Variants in ANK3 observed in about 807,000 individuals in gnomAD.
The protein encoded by ANK3 is ankyrin 3.
In ANK3, 57 loss-of-function variants were observed where a neutral mutation model predicts 370.9. The observed-to-expected ratio is 0.15, with a 90% CI of 0.12 to 0.19. ANK3 has a LOEUF of 0.19. Ranked by LOEUF, ANK3 falls within the 10% of genes least tolerant of loss-of-function variation. The pLI, the probability that ANK3 is intolerant of heterozygous loss-of-function variation, is 1.00. For synonymous variants in ANK3, 1,929 were observed against 1,946.3 expected, an observed-to-expected ratio of 0.99 and a Z score of 0.23; for missense variants, 4,439 against 5,302.1, an observed-to-expected ratio of 0.84 and a Z score of 5.06.
intron 2 of ANK3, among the ~76,000 whole-genome samples, chr10:60,433,724 A>G (rs1460478953): frequency 6.6e-6 from 1 of 152,176 alleles, no homozygotes; most frequent in Non-Finnish European, 1.5e-5. Context: ...AAATAATCGA[A>G]TTTTGCTTTT....
intron 4 of ANK3, among the ~76,000 whole-genome samples, chr10:60,277,898 T>C (rs1019567766): frequency 3.3e-5 from 5 of 152,278 alleles, no homozygotes; most frequent in Admixed American, 3.3e-4. Context: ...GTTTTAAATG[T>C]GGTCATGTCC....
chr10:60,679,072 T>A (rs1303436025), intron 1 of ANK3, among the ~76,000 whole-genome samples: 2 of 152,100 alleles, frequency 1.3e-5, no homozygotes, highest in Non-Finnish European at 2.9e-5. Context: ...TGGTGAATAG[T>A]TAAAACATGG....
At chr10:60,715,260 G>C (rs2132018858) in intron 1 of ANK3, among the ~76,000 whole-genome samples, 1 of 140,030 alleles carries the variant, frequency 7.1e-6, no homozygotes, top group African/African-American at 2.7e-5. Flanking sequence ...AAATTGCTTT[G>C]TAAAGTTCGT....
intron 1 of ANK3, among the ~76,000 whole-genome samples, chr10:60,698,032 T>C (rs2079487778): frequency 6.6e-6 from 1 of 152,020 alleles, no homozygotes; most frequent in African/African-American, 2.4e-5. Context: ...ATCCAGAATC[T>C]ACAATGAACT....
chr10:60,689,141 T>C (rs965220494), intron 1 of ANK3, among the ~76,000 whole-genome samples: 1 of 152,162 alleles, frequency 6.6e-6, no homozygotes, highest in Non-Finnish European at 1.5e-5. Context: ...GGGTCACACC[T>C]ATAATCTTAG....
chr10:60,569,059 T>C (rs1425209821), intron 2 of ANK3, among the ~76,000 whole-genome samples: 1 of 152,188 alleles, frequency 6.6e-6, no homozygotes, highest in Non-Finnish European at 1.5e-5. Flanking sequence ...TGTATTTTTT[T>C]AATGTCAGTC....
At chr10:60,309,582 G>T (rs1260727218) in intron 1 of ANK3, among the ~76,000 whole-genome samples, 1 of 152,108 alleles carries the variant, frequency 6.6e-6, no homozygotes, top group Non-Finnish European at 1.5e-5. Context: ...TTACTCCAGG[G>T]GGGTGTTCTG....
intron 21 of ANK3, among the ~76,000 whole-genome samples, chr10:60,167,667 G>T (rs542852218): frequency 3.0e-4 from 44 of 144,860 alleles, no homozygotes; most frequent in East Asian, 1.8e-3. Context: ...TTTTTTTTTT[G>T]TTTTGTTTTG....
At chr10:60,083,797 TG>T (rs2085916919) in intron 32 of ANK3, 180 bp from the exon 33 acceptor site, 2 of 531,906 alleles carry the variant, frequency 3.8e-6, no homozygotes, top group Non-Finnish European at 6.6e-6. Context: ...ACTCACCAAC[TG>T]TAATTGGAAT....
Position 60,059,416 on chromosome 10 carries a change from T to C in ANK3, c.12610A>G (p.Thr4204Ala). Residue 4204 changes from threonine to alanine, a missense_variant, in exon 41 of 44, where the codon ACA (threonine) becomes GCA (alanine). By Grantham distance (58) the Thr-to-Ala change is moderately conservative (BLOSUM62 0). This residue lies in a region of ANK3 where 242 missense variants were observed against 228.0 expected (regional missense o/e 1.06). Coordinates refer to ENST00000280772, the MANE Select transcript of ANK3 (RefSeq NM_020987.5). ...HDPVDGWQNE[T>A]SSGNLESCAQ... ...CAGGACTCTAGGTTTCCACTTGATGTCTCATTCTGCCAACCTGTAATTGAA... is the reference window on the plus strand; with the variant it reads ...CAGGACTCTAGGTTTCCACTTGATGCCTCATTCTGCCAACCTGTAATTGAA... 7 of 1,614,070 alleles carry C rather than the reference T, an allele frequency of 4.3e-6. No homozygotes were observed. The highest frequency in any genetic ancestry group is 5.9e-6 in the Non-Finnish European group (7 of 1,179,944).
chr10:60,487,376 C>A (rs2133112793), intron 2 of ANK3, among the ~76,000 whole-genome samples: 1 of 152,278 alleles, frequency 6.6e-6, no homozygotes, highest in African/African-American at 2.4e-5. Flanking sequence ...TGGCCCCAAT[C>A]TTCATTAAGC....
intron 25 of ANK3, among the ~76,000 whole-genome samples, chr10:60,119,942 C>A (rs1306928663): frequency 6.6e-6 from 1 of 151,888 alleles, no homozygotes; most frequent in Non-Finnish European, 1.5e-5. Context: ...TGATATTCTT[C>A]ACAGAAATTT....
rs2133305863 is a variant in ANK3 at position 60,601,433 on chromosome 10, A to T, written c.96+13753T>A. ...AGATAATCTTGTTATTAGTGATAAG[A>T]ATGGTACTTCAACTCTGTGGTCAAG... On this transcript the variant is annotated intron_variant, in intron 2 of 43. Coordinates refer to the ANK3 transcript ENST00000373827. Among the ~76,000 whole-genome samples, 2 of 152,266 alleles carry T rather than the reference A, an allele frequency of 1.3e-5. 1 individual carries two copies. Among genetic ancestry groups the T allele is most frequent in the South Asian group, 4.1e-4 (2 of 4,824 alleles).
intron 2 of ANK3, among the ~76,000 whole-genome samples, chr10:60,442,095 A>G (rs2064313812): frequency 7.9e-6 from 1 of 126,560 alleles, no homozygotes; most frequent in Non-Finnish European, 1.7e-5. Flanking sequence ...CCTCCCATAT[A>G]CTTTTTTTTT....
At chr10:60,725,537 C>CT (rs2079929328) in intron 1 of ANK3, among the ~76,000 whole-genome samples, 1 of 152,170 alleles carries the variant, frequency 6.6e-6, no homozygotes, top group South Asian at 2.1e-4. Context: ...TTATTCCCTC[C>CT]TTCCCTCATT....
At chr10:60,305,016 T>C (rs2044683214) in intron 1 of ANK3, among the ~76,000 whole-genome samples, 1 of 152,202 alleles carries the variant, frequency 6.6e-6, no homozygotes, top group Admixed American at 6.5e-5. Context: ...GATCTGCCTG[T>C]GGCAGGCACA....
At chr10:60,703,967 G>C (rs576790688) in intron 1 of ANK3, among the ~76,000 whole-genome samples, 1 of 152,284 alleles carries the variant, frequency 6.6e-6, no homozygotes, top group Admixed American at 6.5e-5. Context: ...AACTGATACT[G>C]TGTGACTTCT....
intron 2 of ANK3, among the ~76,000 whole-genome samples, chr10:60,515,577 C>T (rs775691446): frequency 6.6e-6 from 1 of 151,956 alleles, no homozygotes; most frequent in African/African-American, 2.4e-5. Context: ...ATATATGTGC[C>T]TGGGATTTAC....
At chr10:60,225,258 T>C (rs748318705) in intron 8 of ANK3, among the ~76,000 whole-genome samples, 1 of 152,128 alleles carries the variant, frequency 6.6e-6, no homozygotes, top group Non-Finnish European at 1.5e-5. Flanking sequence ...ATTTGGACTG[T>C]GTCCTCATTT....
Sources: allele counts gnomAD v4.1 joint callset (sites outside exome capture counted in the v4.1 genomes callset), GRCh38; gene constraint gnomAD v4.1.1; regional missense constraint gnomAD v4.1.1; transcripts MANE v1.5; gene names NCBI Gene and HGNC (gene_info 2026-07-23, HGNC 2026-07-21).